Variants in LUZP2 observed in about 807,000 individuals in gnomAD.
LUZP2 encodes leucine zipper protein 2.
In LUZP2, 52 loss-of-function variants were observed where a neutral mutation model predicts 51.6. That is an observed-to-expected ratio of 1.01 (90% confidence interval 0.81 to 1.27). The LOEUF is 1.27. LUZP2 is among the 50% of genes most tolerant of loss of function. The pLI is 0.00. For missense variants in LUZP2, 436 were observed against 395.4 expected (o/e 1.10, Z -0.87); for synonymous variants, 154 against 137.3 (o/e 1.12, Z -0.85).
chr11:24,518,678 G>C (rs578224803), intron 1 of LUZP2, among the ~76,000 whole-genome samples: 21 of 152,256 alleles, frequency 1.4e-4, no homozygotes, highest in Non-Finnish European at 2.8e-4. Context: ...TTTGTGCCTA[G>C]TTCAAAGTTA....
intron 1 of LUZP2, among the ~76,000 whole-genome samples, chr11:24,654,408 TTTTG>T (rs893053005): frequency 3.9e-5 from 6 of 152,048 alleles, no homozygotes; most frequent in African/African-American, 7.2e-5. Flanking sequence ...TTTTCTTTTG[TTTTG>T]TTTGTTTGTT....
intron 3 of LUZP2, among the ~76,000 whole-genome samples, chr11:24,733,891 C>A (rs1858827085): frequency 6.6e-6 from 1 of 151,132 alleles, no homozygotes; most frequent in Admixed American, 6.6e-5. Context: ...TGTGCAGCAC[C>A]CAGTGAGAGA....
chr11:24,595,632 C>T (rs1000441275), intron 1 of LUZP2, among the ~76,000 whole-genome samples: 1 of 152,046 alleles, frequency 6.6e-6, no homozygotes, highest in Non-Finnish European at 1.5e-5. Flanking sequence ...GAGTTTATGC[C>T]TCCCCATAGC....
At position 25,016,296 on chromosome 11, in the gene LUZP2, C is replaced by G. The variant is rs149770983; in HGVS notation, c.765+33003C>G. ...CCAACATATAATTATTTATCCCTCA[C>G]CCTTCTTCCAACCTTCCCCCTTCTG... On this transcript the variant is annotated intron_variant, in intron 9 of 11. Coordinates refer to ENST00000336930, the MANE Select transcript of LUZP2 (RefSeq NM_001009909.4). Among the ~76,000 whole-genome samples, 877 of 152,114 alleles carry G rather than the reference C, an allele frequency of 5.8e-3. 6 individuals are homozygous for G. The highest frequency in any genetic ancestry group is 0.02 in the African/African-American group (836 of 41,504).
At chr11:25,040,343 A>ATTCTTTTTTTTTTTTTTT (rs1858011819) in intron 9 of LUZP2, among the ~76,000 whole-genome samples, 1 of 98,828 alleles carries the variant, frequency 1.0e-5, no homozygotes, top group African/African-American at 5.8e-5. Flanking sequence ...TTTCTTTCCG[A>ATTCTTTTTTTTTTTTTTT]TTTTTTTTTT....
chr11:24,742,712 A>G (rs952145713), intron 4 of LUZP2, among the ~76,000 whole-genome samples: 3 of 151,760 alleles, frequency 2.0e-5, no homozygotes, highest in African/African-American at 7.3e-5. Flanking sequence ...AGTCCCAACT[A>G]TTTATCTTTG....
chr11:24,942,024 T>C (rs1432191776), intron 7 of LUZP2, among the ~76,000 whole-genome samples: 1 of 152,158 alleles, frequency 6.6e-6, no homozygotes, highest in East Asian at 1.9e-4. Context: ...TGAGTTCATA[T>C]ATGTTGTTTG....
intron 5 of LUZP2, among the ~76,000 whole-genome samples, chr11:24,848,637 T>C (rs1249086077): frequency 6.6e-6 from 1 of 152,170 alleles, no homozygotes; most frequent in Non-Finnish European, 1.5e-5. Context: ...GTCCTCTGCC[T>C]TCTTGGTATC....
chr11:24,544,047 T>C (rs2133726387), intron 1 of LUZP2, among the ~76,000 whole-genome samples: 1 of 152,034 alleles, frequency 6.6e-6, no homozygotes, highest in African/African-American at 2.4e-5. Context: ...CTTATTCAGC[T>C]GGTAGCAGTT....
chr11:24,779,240 G>C (rs371679759), intron 5 of LUZP2, among the ~76,000 whole-genome samples: 28 of 152,232 alleles, frequency 1.8e-4, no homozygotes, highest in African/African-American at 5.8e-4. Context: ...TTCACAAAGT[G>C]TTGGAGATAT....
In LUZP2 at chr11:24,722,073, A is replaced by T. The variant is rs191721686; in HGVS notation, c.63-7096A>T. Among the ~76,000 whole-genome samples the T allele has an allele frequency of 2.6e-4, 40 of 152,316 alleles. 1 individual carries two copies. Among genetic ancestry groups the T allele is most frequent in the Admixed American group, 2.3e-3 (35 of 15,292 alleles). Reference sequence around the variant, plus strand: ...TTCCCGTGCAACACAGAAAAATACAATTCCAGGTTGTTTGCAGGTCTAAAA... The same window carrying T: ...TTCCCGTGCAACACAGAAAAATACATTTCCAGGTTGTTTGCAGGTCTAAAA... On this transcript the variant is annotated intron_variant, in intron 1 of 11. Coordinates refer to ENST00000336930, the MANE Select transcript of LUZP2 (RefSeq NM_001009909.4).
intron 5 of LUZP2, among the ~76,000 whole-genome samples, chr11:24,871,418 C>A (rs1361423123): frequency 2.0e-5 from 3 of 152,050 alleles, no homozygotes; most frequent in Non-Finnish European, 4.4e-5. Flanking sequence ...TTGCTACCAT[C>A]AGCCAGTTAT....
intron 1 of LUZP2, among the ~76,000 whole-genome samples, chr11:24,649,581 C>G (rs1411603688): frequency 6.6e-6 from 1 of 151,944 alleles, no homozygotes; most frequent in African/African-American, 2.4e-5. Context: ...CTGAGCTTTT[C>G]TGGTGTTCGA....
intron 1 of LUZP2, among the ~76,000 whole-genome samples, chr11:24,526,941 A>T (rs1850826595): frequency 6.6e-6 from 1 of 151,344 alleles, no homozygotes; most frequent in Admixed American, 6.6e-5. Flanking sequence ...TTAAACATGA[A>T]CTATCCTAGC....
At chr11:24,995,443 G>A (rs1035487177) in intron 9 of LUZP2, among the ~76,000 whole-genome samples, 3 of 152,004 alleles carry the variant, frequency 2.0e-5, no homozygotes, top group Non-Finnish European at 4.4e-5. Flanking sequence ...ATATGAAATT[G>A]AGAAAAAATG....
At chr11:24,823,073 G>C (rs1427752833) in intron 5 of LUZP2, among the ~76,000 whole-genome samples, 1 of 152,100 alleles carries the variant, frequency 6.6e-6, no homozygotes, top group Non-Finnish European at 1.5e-5. Flanking sequence ...CAAGATCTCT[G>C]TTCTCATGGG....
intron 7 of LUZP2, among the ~76,000 whole-genome samples, chr11:24,916,950 A>T (rs1241447804): frequency 6.6e-6 from 1 of 152,198 alleles, no homozygotes; most frequent in East Asian, 1.9e-4. Flanking sequence ...AGTCCCATCA[A>T]CAGTGTTAAA....
chr11:24,820,774 T>C (rs909672745), intron 5 of LUZP2, among the ~76,000 whole-genome samples: 2 of 152,086 alleles, frequency 1.3e-5, no homozygotes, highest in African/African-American at 4.8e-5. Context: ...CCATAGGATG[T>C]GTATTAAGAT....
At chr11:24,566,887 T>C (rs1335347710) in intron 1 of LUZP2, among the ~76,000 whole-genome samples, 2 of 112,820 alleles carry the variant, frequency 1.8e-5, no homozygotes, top group Non-Finnish European at 3.7e-5. Context: ...ATAACATATA[T>C]ACATATTTAT....
Sources: allele counts gnomAD v4.1 joint callset (sites outside exome capture counted in the v4.1 genomes callset), GRCh38; gene constraint gnomAD v4.1.1; transcripts MANE v1.5; gene names NCBI Gene and HGNC (gene_info 2026-07-23, HGNC 2026-07-21).